SLC44A5: variants seen among roughly 807,000 people sequenced by gnomAD.
SLC44A5 encodes the protein solute carrier family 44 member 5, also known as choline transporter-like protein 5.
A neutral mutation model predicts 101.8 loss-of-function variants in SLC44A5; 57 were observed. The observed-to-expected ratio is 0.56, with a 90% CI of 0.45 to 0.70. The LOEUF (loss-of-function observed/expected upper bound fraction) is 0.70, where lower values mean the gene tolerates loss of function less well. Among genes scored for constraint, SLC44A5 ranks in the 30% least tolerant of loss-of-function variants. The pLI is 0.00. For synonymous variants in SLC44A5, 281 were observed against 290.9 expected, an observed-to-expected ratio of 0.97 and a Z score of 0.35; for missense variants, 737 against 853.1, an observed-to-expected ratio of 0.86 and a Z score of 1.70.
chr1:75,281,776 A>G (rs1652609423), intron 5 of SLC44A5, among the ~76,000 whole-genome samples: 1 of 151,844 alleles, frequency 6.6e-6, no homozygotes, highest in African/African-American at 2.4e-5. Flanking sequence ...GGCAACTTCC[A>G]TATGGTGTTG....
At chr1:75,403,986 G>A (rs531063267) in intron 2 of SLC44A5, among the ~76,000 whole-genome samples, 17 of 151,990 alleles carry the variant, frequency 1.1e-4, no homozygotes, top group African/African-American at 3.1e-4. Flanking sequence ...TAGAATAACC[G>A]CTTTAGGGAA....
intron 2 of SLC44A5, among the ~76,000 whole-genome samples, chr1:75,471,328 C>T (rs1423227768): frequency 6.6e-6 from 1 of 151,560 alleles, no homozygotes; most frequent in African/African-American, 2.4e-5. Flanking sequence ...TTCCTTTCAA[C>T]AAGGAAAAAT....
chr1:75,487,715 G>T (rs2101800619), intron 2 of SLC44A5, among the ~76,000 whole-genome samples: 1 of 152,266 alleles, frequency 6.6e-6, no homozygotes, highest in South Asian at 2.1e-4. Context: ...TTCCATCATT[G>T]TGTGAATGTC....
At chr1:75,369,245 T>C (rs1464954644) in intron 3 of SLC44A5, among the ~76,000 whole-genome samples, 2 of 152,044 alleles carry the variant, frequency 1.3e-5, no homozygotes, top group African/African-American at 4.8e-5. Context: ...CTCGAAATTG[T>C]GGCCTCAAGC....
At chr1:75,563,294 T>G (rs1672619229) in intron 1 of SLC44A5, among the ~76,000 whole-genome samples, 1 of 152,102 alleles carries the variant, frequency 6.6e-6, no homozygotes, top group African/African-American at 2.4e-5. Context: ...ACTAGCATAT[T>G]AACACTGAAG....
chr1:75,696,136 G>A, the SLC44A5 span, among the ~76,000 whole-genome samples: 2 of 152,150 alleles, frequency 1.3e-5, no homozygotes, highest in African/African-American at 4.8e-5. Flanking sequence ...AGAGTCAGAT[G>A]AGGGTCCTGA....
At chr1:75,547,151 A>G (rs1425855572) in intron 1 of SLC44A5, among the ~76,000 whole-genome samples, 5 of 152,338 alleles carry the variant, frequency 3.3e-5, no homozygotes, top group Non-Finnish European at 1.5e-5. Flanking sequence ...CACACTGAAG[A>G]TGAAACCTGT....
chr1:75,523,197 GACT>G (rs1435356784), intron 2 of SLC44A5, among the ~76,000 whole-genome samples: 1 of 152,152 alleles, frequency 6.6e-6, no homozygotes, highest in Non-Finnish European at 1.5e-5. Flanking sequence ...GTTTAGCAAT[GACT>G]AGTGCATGAG....
intron 2 of SLC44A5, among the ~76,000 whole-genome samples, chr1:75,507,618 GA>G (rs1368710448): frequency 2.0e-5 from 3 of 152,062 alleles, no homozygotes. Flanking sequence ...GGTTTCAGTA[GA>G]ATTGGTACCA....
chr1:75,339,048 G>A (rs1657665046), intron 4 of SLC44A5, among the ~76,000 whole-genome samples: 1 of 152,180 alleles, frequency 6.6e-6, no homozygotes. Flanking sequence ...CTTGGAGAGG[G>A]CAGGAAGCAC....
the SLC44A5 span, among the ~76,000 whole-genome samples, chr1:75,655,264 A>G: frequency 2.0e-5 from 3 of 152,206 alleles, no homozygotes; most frequent in Non-Finnish European, 1.5e-5. Flanking sequence ...GTACCTGTGT[A>G]ACAACCCTGC....
At chr1:75,369,512 G>T (rs898590045) in intron 3 of SLC44A5, among the ~76,000 whole-genome samples, 2 of 152,010 alleles carry the variant, frequency 1.3e-5, no homozygotes, top group African/African-American at 4.8e-5. Flanking sequence ...TGATAGCCGT[G>T]ATTCATGAGA....
chr1:75,547,489 A>G (rs1207276297), intron 1 of SLC44A5, among the ~76,000 whole-genome samples: 1 of 152,174 alleles, frequency 6.6e-6, no homozygotes, highest in Non-Finnish European at 1.5e-5. Flanking sequence ...ACAAAGCACA[A>G]TTACAGTAAT....
chr1:75,282,189 T>C (rs1652658894), intron 5 of SLC44A5, among the ~76,000 whole-genome samples: 1 of 152,154 alleles, frequency 6.6e-6, no homozygotes, highest in African/African-American at 2.4e-5. Context: ...ATGTGAGACA[T>C]AGAATCAAAG....
intron 2 of SLC44A5, among the ~76,000 whole-genome samples, chr1:75,533,440 A>T (rs941254702): frequency 1.2e-4 from 19 of 152,216 alleles, no homozygotes; most frequent in African/African-American, 4.6e-4. Context: ...AGGCTGTTGG[A>T]ATCAAAATGG....
chr1:75,573,858 CA>C (rs1673219819), intron 1 of SLC44A5, among the ~76,000 whole-genome samples: 1 of 151,918 alleles, frequency 6.6e-6, no homozygotes, highest in Non-Finnish European at 1.5e-5. Context: ...TTTTAAGAAA[CA>C]TGTACAATGT....
chr1:75,246,664 A>G (rs1450673040), intron 7 of SLC44A5, among the ~76,000 whole-genome samples: 2 of 152,110 alleles, frequency 1.3e-5, no homozygotes, highest in East Asian at 3.9e-4. Flanking sequence ...CAGAGAGAGA[A>G]AGGAGTGGCT....
the SLC44A5 span, among the ~76,000 whole-genome samples, chr1:75,699,257 G>A: frequency 1.3e-5 from 2 of 152,050 alleles, no homozygotes; most frequent in African/African-American, 2.4e-5. Flanking sequence ...CAGAGAGAAA[G>A]GTCGGGTTAC....
chr1:75,582,048 G>A lies in SLC44A5; in HGVS notation c.-70+28992C>T, dbSNP rs1248668117. 4.5e-6 allele frequency: 3 copies of A among 666,218 alleles called. No individual in the cohort carries two copies. In the African/African-American group the frequency reaches 5.4e-5, roughly 12 times the overall value. 41.3% of individuals were successfully genotyped at this position (666,218 alleles called of 1,614,324 possible). A position where few individuals can be genotyped will look rare whatever the true frequency, so the allele number is the denominator to read the frequency against. On this transcript the variant is annotated intron_variant, in intron 1 of 23. Transcript: ENST00000370859. ...ATCCAGTTATATACAAAAGGATACT[G>A]AGCTTTCACTTCCAGGCGCTTCAGG... is the stretch of plus-strand genomic sequence containing the variant.
Sources: gnomAD v4.1 joint callset for allele counts (sites outside exome capture counted in the v4.1 genomes callset) on GRCh38, gnomAD v4.1.1 for gene constraint, MANE v1.5 for transcripts, NCBI Gene and HGNC (gene_info 2026-07-23, HGNC 2026-07-21) for gene names.